SLC8A1: variants seen among roughly 807,000 people sequenced by gnomAD.
The protein encoded by SLC8A1 is solute carrier family 8 member A1.
In SLC8A1, 18 loss-of-function variants were observed where a neutral mutation model predicts 68.3. The ratio of observed to expected loss-of-function variants is 0.26; its 90% CI spans 0.18 to 0.39. The LOEUF (loss-of-function observed/expected upper bound fraction) is 0.39. SLC8A1 is among the 10% of genes least tolerant of loss of function. The probability of loss-of-function intolerance (pLI) is 1.00; values close to 1 mark genes in which losing one functional copy is unlikely to be tolerated. For missense variants in SLC8A1, 985 were observed against 1,156.7 expected (o/e 0.85, Z 2.15); for synonymous variants, 475 against 415.5 (o/e 1.14, Z -1.74).
At chr2:40,194,805 A>G (rs573890865) in intron 2 of SLC8A1, among the ~76,000 whole-genome samples, 10 of 152,058 alleles carry the variant, frequency 6.6e-5, no homozygotes, top group Non-Finnish European at 1.3e-4. Flanking sequence ...ACAGACTGGA[A>G]GAGGCCAAGA....
At chr2:40,342,663 G>C (rs1668069222) in intron 2 of SLC8A1, among the ~76,000 whole-genome samples, 1 of 152,102 alleles carries the variant, frequency 6.6e-6, no homozygotes, top group African/African-American at 2.4e-5. Flanking sequence ...TATTTAAAAA[G>C]TGGATCCTTC....
At position 40,156,239 on chromosome 2, in the gene SLC8A1, T is replaced by C. The variant is rs941000419; in HGVS notation, c.2161+4526A>G. On this transcript the variant is annotated intron_variant, in intron 6 of 7. Transcript: ENST00000406785. Reference sequence around the variant, plus strand: ...GCTCCCATGTTTCAGTATTGGATGGTATCTTAGAGCTAGCCTAGTCCAACT... The same window carrying C: ...GCTCCCATGTTTCAGTATTGGATGGCATCTTAGAGCTAGCCTAGTCCAACT... Among the ~76,000 whole-genome samples the C allele has an allele frequency of 1.8e-4, 27 of 152,282 alleles. 2 individuals are homozygous for C. The highest frequency in any genetic ancestry group is 1.5e-3 in the Admixed American group (23 of 15,288).
intron 2 of SLC8A1, among the ~76,000 whole-genome samples, chr2:40,197,761 T>G (rs1010871109): frequency 6.1e-5 from 6 of 98,526 alleles, no homozygotes; most frequent in African/African-American, 2.0e-4. Flanking sequence ...TTGCTACACC[T>G]TTTCTCCACT....
At chr2:40,107,032 A>T (rs1471941412) in exon 8 of SLC8A1, 1 of 152,168 alleles carries the variant, frequency 6.6e-6, no homozygotes, top group Non-Finnish European at 1.5e-5. Flanking sequence ...TGATCAGTGT[A>T]TATGAAAATT....
intron 2 of SLC8A1, among the ~76,000 whole-genome samples, chr2:40,335,382 T>C (rs2149388777): frequency 6.6e-6 from 1 of 152,354 alleles, no homozygotes; most frequent in South Asian, 2.1e-4. Flanking sequence ...AATTCAGATA[T>C]GGCTTCATCT....
intron 2 of SLC8A1, among the ~76,000 whole-genome samples, chr2:40,232,400 T>A (rs1231083225): frequency 8.6e-6 from 1 of 116,322 alleles, no homozygotes; most frequent in Admixed American, 8.8e-5. Flanking sequence ...AGTTATTTTT[T>A]TTTTGTCTTC....
At chr2:40,150,630 C>T (rs17025271) in intron 6 of SLC8A1, among the ~76,000 whole-genome samples, 18,016 of 152,152 alleles carry the variant, frequency 0.12, 1,168 homozygotes, top group African/African-American at 0.13. Context: ...GTTAGAGACA[C>T]GACTTCGGGC....
intron 2 of SLC8A1, among the ~76,000 whole-genome samples, chr2:40,189,232 C>T (rs2051283804): frequency 6.6e-6 from 1 of 152,126 alleles, no homozygotes; most frequent in Admixed American, 6.5e-5. Context: ...TCCGTATTAG[C>T]CAGTTTATAT....
At chr2:40,100,217 G>C (rs923138729) in exon 8 of SLC8A1, 1 of 152,038 alleles carries the variant, frequency 6.6e-6, no homozygotes, top group Non-Finnish European at 1.5e-5. Context: ...ACACATAAGG[G>C]TCTTGACAAT....
chr2:40,118,054 A>G (rs983818049), intron 7 of SLC8A1, among the ~76,000 whole-genome samples: 2 of 152,168 alleles, frequency 1.3e-5, no homozygotes, highest in Non-Finnish European at 2.9e-5. Flanking sequence ...AAGTAGACAA[A>G]CACTGCTTAT....
At chr2:40,239,732 G>T (rs1048835717) in intron 2 of SLC8A1, among the ~76,000 whole-genome samples, 1 of 152,142 alleles carries the variant, frequency 6.6e-6, no homozygotes, top group African/African-American at 2.4e-5. Context: ...ATAAAGGAAA[G>T]AAATCAAATT....
intron 2 of SLC8A1, among the ~76,000 whole-genome samples, chr2:40,393,594 T>C (rs372392646): frequency 6.6e-6 from 1 of 152,206 alleles, no homozygotes; most frequent in African/African-American, 2.4e-5. Context: ...TTTACCAACA[T>C]TGTTTCCAAT....
In SLC8A1 at chr2:40,264,667, A is replaced by T. The variant is rs1195015675; in HGVS notation, c.1809-86812T>A. On this transcript the variant is annotated intron_variant, in intron 2 of 7. Transcript: ENST00000406785. ...TTGAACAATGAGAACACACGGACAC[A>T]GGAAGGGGAACATCACACTCTGAGG... 2.0e-5 allele frequency among the ~76,000 whole-genome samples: 3 copies of T among 152,304 alleles called. No individual in the cohort carries two copies. In the East Asian group the frequency reaches 5.8e-4, roughly 29 times the overall value.
At chr2:40,312,875 T>C (rs1052912422) in intron 2 of SLC8A1, among the ~76,000 whole-genome samples, 5 of 152,138 alleles carry the variant, frequency 3.3e-5, no homozygotes, top group Non-Finnish European at 7.4e-5. Context: ...AACAGCTTTA[T>C]TTGATGTATC....
chr2:40,511,845 A>G (rs1017114448), intron 1 of SLC8A1, among the ~76,000 whole-genome samples: 19 of 152,146 alleles, frequency 1.2e-4, no homozygotes, highest in African/African-American at 4.6e-4. Flanking sequence ...GCTGAGAAAT[A>G]TTGCAAAAAT....
chr2:40,345,108 C>T (rs1331123696), intron 2 of SLC8A1, among the ~76,000 whole-genome samples: 3 of 152,100 alleles, frequency 2.0e-5, no homozygotes, highest in Admixed American at 2.0e-4. Flanking sequence ...CTCATTTTTC[C>T]AGTCCTGTTT....
Position 40,428,456 on chromosome 2 carries a change from T to C in SLC8A1, c.1808+17A>G, listed in dbSNP as rs997557218. ...ACACACACACACACACACACACATA[T>C]ATAATATAGAACTTACACAATTTCA... is the stretch of plus-strand genomic sequence containing the variant. On this transcript the variant is annotated intron_variant, in intron 2 of 7. Transcript: ENST00000406785. 17 of 1,545,854 alleles carry C rather than the reference T, an allele frequency of 1.1e-5. No individual in the cohort carries two copies. In the African/African-American group the frequency reaches 2.3e-4, roughly 21 times the overall value.
chr2:40,480,123 A>G, intron 1 of SLC8A1, among the ~76,000 whole-genome samples: 1 of 152,146 alleles, frequency 6.6e-6, no homozygotes, highest in Admixed American at 6.5e-5. Context: ...GTGCCAGTAG[A>G]GAGGCCAGAA....
intron 1 of SLC8A1, among the ~76,000 whole-genome samples, chr2:40,468,451 CG>C (rs1308467103): frequency 6.6e-6 from 1 of 151,944 alleles, no homozygotes; most frequent in Non-Finnish European, 1.5e-5. Flanking sequence ...ATTCTTAGCA[CG>C]GCTCATTAAG....
Sources: allele counts gnomAD v4.1 joint callset (sites outside exome capture counted in the v4.1 genomes callset), GRCh38; gene constraint gnomAD v4.1.1; transcripts MANE v1.5; gene names NCBI Gene and HGNC (gene_info 2026-07-23, HGNC 2026-07-21).